Variants in FCHSD2 observed in about 807,000 individuals in gnomAD.
The protein encoded by FCHSD2 is FCH and double SH3 domains 2.
FCHSD2 carries 38 observed loss-of-function variants against 108.1 expected under a neutral mutation model. The ratio of observed to expected loss-of-function variants is 0.35; its 90% CI spans 0.27 to 0.46. The LOEUF is 0.46. Among genes scored for constraint, FCHSD2 ranks in the 20% least tolerant of loss-of-function variants. FCHSD2 has a pLI of 1.00. For missense variants in FCHSD2, 751 were observed against 897.8 expected, an observed-to-expected ratio of 0.84 and a Z score of 2.09; for synonymous variants, 279 against 314.7, an observed-to-expected ratio of 0.89 and a Z score of 1.20.
intron 2 of FCHSD2, among the ~76,000 whole-genome samples, chr11:73,104,945 G>A (rs1860307715): frequency 6.6e-6 from 1 of 152,176 alleles, no homozygotes; most frequent in Non-Finnish European, 1.5e-5. Context: ...TTAAATGAAT[G>A]CATTTATTTC....
chr11:73,098,230 G>C (rs1235935895), intron 2 of FCHSD2, among the ~76,000 whole-genome samples: 1 of 152,044 alleles, frequency 6.6e-6, no homozygotes, highest in Non-Finnish European at 1.5e-5. Context: ...GTTTCACAGC[G>C]TAAGTTTTGG....
At chr11:73,051,504 C>CA (rs1858897689) in intron 3 of FCHSD2, among the ~76,000 whole-genome samples, 1 of 151,186 alleles carries the variant, frequency 6.6e-6, no homozygotes, top group South Asian at 2.1e-4. Context: ...CTTTCCTTGG[C>CA]AAAAAAAGAT....
chr11:72,934,972 T>C (rs151082202), intron 8 of FCHSD2, among the ~76,000 whole-genome samples: 49 of 152,248 alleles, frequency 3.2e-4, no homozygotes, highest in African/African-American at 1.2e-3. Flanking sequence ...CCTTTCCAGG[T>C]AGCTATTAGG....
At position 72,989,107 on chromosome 11, in the gene FCHSD2, A is replaced by G; in HGVS notation, c.388-10T>C. The stretch of plus-strand genomic sequence containing the variant: ...TCAACTGGTCCACACACTGTAAAAT[A>G]CAAAAGTACAATCATTATGATTTTA... On this transcript the variant is annotated splice_polypyrimidine_tract_variant and intron_variant, in intron 5 of 19. Transcript: ENST00000409418. 6.3e-7 allele frequency: 1 copy of G among 1,596,480 alleles called. No individual in the cohort carries two copies. The highest frequency in any genetic ancestry group is 8.5e-7 in the Non-Finnish European group (1 of 1,170,276).
At chr11:72,938,529 A>T (rs1856349578) in intron 8 of FCHSD2, among the ~76,000 whole-genome samples, 1 of 152,214 alleles carries the variant, frequency 6.6e-6, no homozygotes, top group South Asian at 2.1e-4. Flanking sequence ...CACAGCCAGC[A>T]AAACAAGTCA....
chr11:73,022,467 T>C (rs189681274), intron 3 of FCHSD2, among the ~76,000 whole-genome samples: 2 of 152,306 alleles, frequency 1.3e-5, no homozygotes, highest in East Asian at 1.9e-4. Context: ...CCTACATACA[T>C]GCAATGAACA....
At chr11:73,032,976 G>A (rs1374603749) in intron 3 of FCHSD2, among the ~76,000 whole-genome samples, 1 of 152,150 alleles carries the variant, frequency 6.6e-6, no homozygotes, top group Non-Finnish European at 1.5e-5. Flanking sequence ...TAGCTGCAGT[G>A]TGGGAAACAT....
At chr11:73,090,406 T>C (rs935754101) in intron 2 of FCHSD2, among the ~76,000 whole-genome samples, 4 of 152,026 alleles carry the variant, frequency 2.6e-5, no homozygotes, top group Admixed American at 6.5e-5. Context: ...TTTGTATTTT[T>C]AGTAGAGACG....
intron 8 of FCHSD2, among the ~76,000 whole-genome samples, chr11:72,968,465 C>A (rs1856953477): frequency 1.3e-5 from 2 of 152,146 alleles, no homozygotes; most frequent in East Asian, 3.8e-4. Flanking sequence ...GAAAGATAAT[C>A]CATGAGGACT....
chr11:73,049,269 CTT>C (rs1006635686), intron 3 of FCHSD2, among the ~76,000 whole-genome samples: 1 of 151,966 alleles, frequency 6.6e-6, no homozygotes, highest in Non-Finnish European at 1.5e-5. Flanking sequence ...CATAGTAAAA[CTT>C]TAAGGAAAAA....
chr11:72,973,143 G>A (rs947701165), intron 8 of FCHSD2, among the ~76,000 whole-genome samples: 8 of 152,200 alleles, frequency 5.3e-5, no homozygotes, highest in East Asian at 1.9e-4. Flanking sequence ...CAAGGCAGGC[G>A]GATCACCTGA....
At chr11:73,053,289 C>T (rs1858945493) in intron 3 of FCHSD2, among the ~76,000 whole-genome samples, 1 of 151,100 alleles carries the variant, frequency 6.6e-6, no homozygotes, top group African/African-American at 2.4e-5. Flanking sequence ...AAGATTCATA[C>T]AAAAGAAATG....
At chr11:72,870,387 C>G (rs534486427) in intron 12 of FCHSD2, among the ~76,000 whole-genome samples, 2 of 152,132 alleles carry the variant, frequency 1.3e-5, no homozygotes, top group African/African-American at 4.8e-5. Context: ...GTTCAGTAAC[C>G]TTTTTTGAAT....
intron 9 of FCHSD2, among the ~76,000 whole-genome samples, chr11:72,907,452 A>T (rs1855653013): frequency 6.9e-6 from 1 of 144,204 alleles, no homozygotes; most frequent in Non-Finnish European, 1.6e-5. Flanking sequence ...CCCATTCAGT[A>T]TAATATTGGC....
intron 8 of FCHSD2, among the ~76,000 whole-genome samples, chr11:72,959,220 CT>C (rs11408216): frequency 1.9e-3 from 108 of 56,306 alleles, no homozygotes; most frequent in African/African-American, 7.3e-3. Context: ...ATCCAGCAGT[CT>C]TTTTTTTTTT....
At chr11:72,980,675 G>GTA (rs35298009) in intron 8 of FCHSD2, among the ~76,000 whole-genome samples, 11,709 of 143,954 alleles carry the variant, frequency 0.081, 538 homozygotes, top group Middle Eastern at 0.14. Context: ...GTGTGTGTGT[G>GTA]TATATATATA....
intron 8 of FCHSD2, among the ~76,000 whole-genome samples, chr11:72,930,072 G>A (rs1856158382): frequency 1.3e-5 from 2 of 152,254 alleles, no homozygotes; most frequent in African/African-American, 4.8e-5. Flanking sequence ...AAAATAATAT[G>A]TTGTGAAAGT....
intron 8 of FCHSD2, among the ~76,000 whole-genome samples, chr11:72,925,600 G>A (rs1473085582): frequency 6.6e-6 from 1 of 152,202 alleles, no homozygotes; most frequent in Non-Finnish European, 1.5e-5. Flanking sequence ...TTGCCACGGT[G>A]TATTTCACTT....
At chr11:72,991,754 C>T (rs927998935) in intron 5 of FCHSD2, among the ~76,000 whole-genome samples, 6 of 152,104 alleles carry the variant, frequency 3.9e-5, no homozygotes, top group Non-Finnish European at 5.9e-5. Flanking sequence ...ATTGATGGGA[C>T]GTATCTCAAA....
Sources: gnomAD v4.1 joint callset for allele counts (sites outside exome capture counted in the v4.1 genomes callset) on GRCh38, gnomAD v4.1.1 for gene constraint, MANE v1.5 for transcripts, NCBI Gene and HGNC (gene_info 2026-07-23, HGNC 2026-07-21) for gene names.